The following MIGA2 variants were observed in gnomAD, a reference collection of about 807,000 sequenced individuals.
MIGA2 encodes mitoguardin 2, also known as family with sequence similarity 73, member B.
MIGA2 carries 36 observed loss-of-function variants against 69.9 expected under a neutral mutation model. The observed-to-expected ratio is 0.52, with a 90% CI of 0.39 to 0.68. MIGA2 has a LOEUF of 0.68. Among genes scored for constraint, MIGA2 ranks in the 30% least tolerant of loss-of-function variants. The pLI is 0.00. For missense variants in MIGA2, 660 were observed against 787.7 expected (o/e 0.84, Z 1.94); for synonymous variants, 333 against 349.2 (o/e 0.95, Z 0.52).
In MIGA2 at chr9:129,051,286, T is replaced by TA. The variant is rs769399498; in HGVS notation, c.675+1323_675+1324insA. On this transcript the variant is annotated intron_variant, in intron 6 of 15. Transcript: ENST00000684074. Reference sequence around the variant, plus strand: ...TTTATTTATTTATTTATTTATTTATTTTTTTTTTTGGAGACGGAGTCTCAC... The same window carrying TA: ...TTTATTTATTTATTTATTTATTTATTATTTTTTTTTGGAGACGGAGTCTCAC... 2.9e-4 allele frequency: 51 copies of TA among 178,082 alleles called. No individual in the cohort carries two copies. In the East Asian group the frequency reaches 3.5e-3, roughly 12 times the overall value. The allele number at this position is 178,082 out of a possible 1,614,324, so 11.0% of individuals were successfully genotyped here. A position where few individuals can be genotyped will look rare whatever the true frequency, so the allele number is the denominator to read the frequency against.
intron 4 of MIGA2, 140 bp downstream of exon 4, chr9:129,048,679 G>C: frequency 1.5e-6 from 1 of 674,412 alleles, no homozygotes; most frequent in Non-Finnish European, 2.6e-6. Context: ...CGGGCTTTCA[G>C]GGATTGTCCC....
At chr9:129,050,839 G>A (rs1845489506) in intron 6 of MIGA2, among the ~76,000 whole-genome samples, 2 of 151,884 alleles carry the variant, frequency 1.3e-5, no homozygotes, top group East Asian at 3.9e-4. Context: ...CCAAAGTGGT[G>A]AGATTACAGG....
rs1340380361 is a variant in MIGA2 at position 129,061,653 on chromosome 9, A to G, written c.1010+307A>G. 2.6e-5 allele frequency among the ~76,000 whole-genome samples: 4 copies of G among 152,246 alleles called. No individual in the cohort carries two copies. The highest frequency in any genetic ancestry group is 5.9e-5 in the Non-Finnish European group (4 of 68,040). ...CTTCTACAGCACATACACTGAAAAAAAAATTGGAATGATACAGAGAAGATG... is the reference window on the plus strand; with the variant it reads ...CTTCTACAGCACATACACTGAAAAAGAAATTGGAATGATACAGAGAAGATG... On this transcript the variant is annotated intron_variant, in intron 9 of 15. Transcript: ENST00000684074. This position sits in a 1 kb window ranked among gnomAD's most constrained non-coding sequence, Gnocchi z 5.0.
chr9:129,044,729 T>C (rs1845117842), intron 3 of MIGA2, among the ~76,000 whole-genome samples: 1 of 151,952 alleles, frequency 6.6e-6, no homozygotes, highest in Non-Finnish European at 1.5e-5. Context: ...ATTTCTGTAT[T>C]TTTGGTAGGG....
At position 129,069,740 on chromosome 9, in the gene MIGA2, A is replaced by G. The variant is rs1159770542; in HGVS notation, c.1459-109A>G. 1 of 794,902 alleles carries G rather than the reference A, an allele frequency of 1.3e-6. No homozygotes were observed. The highest frequency in any genetic ancestry group is 1.7e-5 in the Admixed American group (1 of 57,726). 49.2% of individuals were successfully genotyped at this position (794,902 alleles called of 1,614,324 possible). On this transcript the variant is annotated intron_variant, in intron 14 of 15. Transcript: ENST00000684074. The surrounding 1 kb of genome is among the most constrained non-coding windows in gnomAD (Gnocchi z 4.9). ...GCCCAGGGTCATCTAGCAGGAAAGT[A>G]CATGAGCTGGGGCGACCTCTAAAGC...
Position 129,060,590 on chromosome 9 carries a change from G to A in MIGA2, c.834G>A (p.Arg278=). 6.2e-7 allele frequency: 1 copy of A among 1,606,520 alleles called. No homozygotes were observed. Among genetic ancestry groups the A allele is most frequent in the Non-Finnish European group, 8.5e-7 (1 of 1,176,674 alleles). ...LMLPLTEGSL[R]LRADDEDSLT... The stretch of plus-strand genomic sequence containing the variant: ...TGCCCCTGACCGAGGGCTCGCTGCG[G>A]CTGCGGGCGGACGATGAGGACAGCC... The change falls in exon 8 of 16, where the codon CGG becomes CGA. Residue 278 remains arginine (R), a synonymous_variant. Transcript: ENST00000684074. This position sits in a 1 kb window ranked among gnomAD's most constrained non-coding sequence, Gnocchi z 4.8.
Position 129,059,771 on chromosome 9 carries a change from C to A in MIGA2, c.793+500C>A, listed in dbSNP as rs1845967727. 6.6e-6 allele frequency among the ~76,000 whole-genome samples: 1 copy of A among 152,264 alleles called. No homozygotes were observed. The highest frequency in any genetic ancestry group is 2.1e-4 in the South Asian group (1 of 4,832). On this transcript the variant is annotated intron_variant, in intron 7 of 15. Coordinates refer to ENST00000684074, the MANE Select transcript of MIGA2 (RefSeq NM_001329990.2). This position sits in a 1 kb window ranked among gnomAD's most constrained non-coding sequence, Gnocchi z 5.6. ...AAACAGCCACTGTCCTCTTCGGACC[C>A]CTGCAGTGAATGACACCCTGGCCCC...
rs576291810 is a variant in MIGA2, at chr9:129,053,618, C to T, written c.675+3655C>T. On this transcript the variant is annotated intron_variant, in intron 6 of 15. Transcript: ENST00000684074. The stretch of plus-strand genomic sequence containing the variant: ...CTGACCTCAGGTGATCCGCCCGCCT[C>T]GGCCTCGCAACGTGCTGAGATTACA... Among the ~76,000 whole-genome samples the T allele has an allele frequency of 1.8e-4, 28 of 152,258 alleles. 1 individual carries two copies. The highest frequency in any genetic ancestry group is 7.9e-4 in the Admixed American group (12 of 15,274).
At chr9:129,045,161 A>C (rs1163281627) in intron 3 of MIGA2, among the ~76,000 whole-genome samples, 2 of 151,126 alleles carry the variant, frequency 1.3e-5, no homozygotes, top group African/African-American at 4.9e-5. Flanking sequence ...AAAAAAAAAA[A>C]AAAAACGAAG....
In MIGA2 at chr9:129,069,875, C is replaced by A. The variant is rs1201533816; in HGVS notation, c.1485C>A (p.Phe495Leu). Residue 495 changes from phenylalanine to leucine, a missense_variant, in exon 15 of 16, where the codon TTC (phenylalanine) becomes TTA (leucine). Transcript: ENST00000684074. The surrounding 1 kb of genome is among the most constrained non-coding windows in gnomAD (Gnocchi z 4.9). ...LMVPDGFISH[F>L]YSVSEHVSPV... The stretch of plus-strand genomic sequence containing the variant: ...TGCCTGATGGCTTCATCTCCCATTT[C>A]TACTCCGTATCGGAGCATGTGAGCC... 2 of 1,613,952 alleles carry A rather than the reference C, an allele frequency of 1.2e-6. No homozygotes were observed. The highest frequency in any genetic ancestry group is 1.7e-4 in the Middle Eastern group (1 of 6,058).
At chr9:129,063,052 G>GCCT (rs1846149808) in intron 9 of MIGA2, 192 bp from the exon 10 acceptor site, 2 of 607,122 alleles carry the variant, frequency 3.3e-6, no homozygotes, top group Admixed American at 2.9e-5. Context: ...CATCCAGGCA[G>GCCT]CCTCGTCCTT....
intron 1 of MIGA2, 162 bp downstream of exon 1, chr9:129,036,843 G>T: frequency 1.5e-6 from 1 of 671,842 alleles, no homozygotes; most frequent in Non-Finnish European, 1.9e-6. Context: ...GGTGCGAGAG[G>T]GTGCCTTGCT....
At chr9:129,045,695 G>A (rs1845182775) in intron 3 of MIGA2, among the ~76,000 whole-genome samples, 1 of 151,756 alleles carries the variant, frequency 6.6e-6, no homozygotes, top group East Asian at 1.9e-4. Context: ...ATTGTTTGAG[G>A]CCAGGAATTC....
intron 6 of MIGA2, among the ~76,000 whole-genome samples, chr9:129,058,919 C>A (rs1051184663): frequency 6.6e-6 from 1 of 152,144 alleles, no homozygotes; most frequent in African/African-American, 2.4e-5. Flanking sequence ...CTTTTTGGTG[C>A]CGTGTTTGAA....
intron 11 of MIGA2, among the ~76,000 whole-genome samples, chr9:129,063,837 G>A (rs1846195548): frequency 6.6e-6 from 1 of 152,200 alleles, no homozygotes; most frequent in African/African-American, 2.4e-5. Context: ...ACCCTGGAGT[G>A]TGGCGGCATG....
chr9:129,069,882 G>A lies in MIGA2; in HGVS notation c.1492G>A (p.Val498Ile), dbSNP rs766694943. ...PDGFISHFYS[V>I]SEHVSPVLAF... ...TGGCTTCATCTCCCATTTCTACTCC[G>A]TATCGGAGCATGTGAGCCCTGTCCT... The change falls in exon 15 of 16, where the codon GTA (valine) becomes ATA (isoleucine). Residue 498 changes from valine to isoleucine, a missense_variant. Val to Ile is a conservative substitution (Grantham distance 29). Transcript: ENST00000684074. This position sits in a 1 kb window ranked among gnomAD's most constrained non-coding sequence, Gnocchi z 4.9. The A allele has an allele frequency of 1.6e-5, 26 of 1,613,900 alleles. No homozygotes were observed. The highest frequency in any genetic ancestry group is 1.3e-4 in the East Asian group (6 of 44,882).
intron 3 of MIGA2, among the ~76,000 whole-genome samples, chr9:129,043,123 G>T (rs1845007405): frequency 6.6e-6 from 1 of 152,004 alleles, no homozygotes; most frequent in African/African-American, 2.4e-5. Flanking sequence ...GAACCCAGGA[G>T]GCGGAGCTTG....
At chr9:129,058,957 T>A (rs1588400023) in intron 6 of MIGA2, among the ~76,000 whole-genome samples, 197 bp from the exon 7 acceptor site, 1 of 152,228 alleles carries the variant, frequency 6.6e-6, no homozygotes, top group Non-Finnish European at 1.5e-5. Context: ...ACTCTGGGAC[T>A]GTCCAGGTTT....
Position 129,048,549 on chromosome 9 carries a change from A to C in MIGA2, c.420+10A>C. 6.2e-7 allele frequency: 1 copy of C among 1,610,996 alleles called. No individual in the cohort carries two copies. The highest frequency in any genetic ancestry group is 1.1e-5 in the South Asian group (1 of 91,010). On this transcript the variant is annotated intron_variant, in intron 4 of 15. Transcript: ENST00000684074. ...CCACAGTGTGGCCTCGGTGAGCAGC[A>C]GGTGCCAGGGCTCCAGGGCTCCAGG...
Sources: allele counts gnomAD v4.1 joint callset (sites outside exome capture counted in the v4.1 genomes callset), GRCh38; gene constraint gnomAD v4.1.1; non-coding constraint Gnocchi (gnomAD v3.1); transcripts MANE v1.5; gene names NCBI Gene and HGNC (gene_info 2026-07-23, HGNC 2026-07-21).